LRMDA: variants seen among roughly 807,000 people sequenced by gnomAD.
LRMDA encodes leucine-rich melanocyte differentiation-associated protein.
A neutral mutation model predicts 29.8 loss-of-function variants in LRMDA; 18 were observed. The observed-to-expected ratio is 0.60, with a 90% confidence interval of 0.42 to 0.90. The LOEUF is 0.90. Among genes scored for constraint, LRMDA ranks in the 40% least tolerant of loss-of-function variants. LRMDA has a pLI of 0.00. For synonymous variants in LRMDA, 125 were observed against 109.4 expected (o/e 1.14, Z -0.89); for missense variants, 273 against 273.9 (o/e 1.00, Z 0.02).
chr10:75,998,255 A>C (rs2057440), intron 2 of LRMDA, among the ~76,000 whole-genome samples: 59,746 of 151,866 alleles, frequency 0.39, 13,253 homozygotes, highest in African/African-American at 0.59. Context: ...ATTTGTTTTG[A>C]CCAGACTTAT....
chr10:75,665,451 T>A (rs1164936997), intron 2 of LRMDA, among the ~76,000 whole-genome samples: 1 of 152,200 alleles, frequency 6.6e-6, no homozygotes. Flanking sequence ...TTTTTAAATA[T>A]TAGAACCATT....
Position 75,672,563 on chromosome 10 carries a change from CCCCTTCCCTTCCCTT to C in LRMDA, c.131+234079_131+234093del, listed in dbSNP as rs1170985685. On this transcript the variant is annotated intron_variant, in intron 2 of 6. Coordinates refer to ENST00000611255, the MANE Select transcript of LRMDA (RefSeq NM_001305581.2). Reference sequence around the variant, plus strand: ...CCCCTCCCCTCCCCTCCCCTCCCCTCCCCTTCCCTTCCCTTCCCTTCCCTGCTTTTTTTTTTTTTT... The same window carrying C: ...CCCCTCCCCTCCCCTCCCCTCCCCTCCCCTTCCCTGCTTTTTTTTTTTTTT... Among the ~76,000 whole-genome samples, 7 of 10,886 alleles carry C rather than the reference CCCCTTCCCTTCCCTT, an allele frequency of 6.4e-4. 2 individuals carry two copies. The highest frequency in any genetic ancestry group is 2.6e-3 in the Admixed American group (2 of 766). The allele number at this position is 10,886 out of a possible 152,430, so 7.1% of individuals were successfully genotyped here.
chr10:75,948,868 C>T (rs1191925239), intron 2 of LRMDA, among the ~76,000 whole-genome samples: 1 of 151,954 alleles, frequency 6.6e-6, no homozygotes, highest in East Asian at 1.9e-4. Context: ...AATTTGTTAC[C>T]TTTAGCTTTG....
chr10:75,730,736 G>A (rs1269401898), intron 2 of LRMDA, among the ~76,000 whole-genome samples: 1 of 152,126 alleles, frequency 6.6e-6, no homozygotes, highest in Non-Finnish European at 1.5e-5. Flanking sequence ...ATGCACAAGA[G>A]CCACAAACTT....
At chr10:75,536,514 C>T (rs1839949995) in intron 2 of LRMDA, among the ~76,000 whole-genome samples, 1 of 152,136 alleles carries the variant, frequency 6.6e-6, no homozygotes, top group Non-Finnish European at 1.5e-5. Context: ...GAGGGCTCAT[C>T]ACACCTGTTT....
chr10:76,119,291 C>G (rs1449647413), intron 5 of LRMDA, among the ~76,000 whole-genome samples: 2 of 151,954 alleles, frequency 1.3e-5, no homozygotes, highest in South Asian at 4.2e-4. Context: ...GCCAAGGCTC[C>G]TCACACTTAA....
chr10:75,904,213 T>A (rs1845723095), intron 2 of LRMDA, among the ~76,000 whole-genome samples: 1 of 152,248 alleles, frequency 6.6e-6, no homozygotes, highest in Non-Finnish European at 1.5e-5. Flanking sequence ...CTTGGATATT[T>A]ACAAATAGCT....
intron 5 of LRMDA, among the ~76,000 whole-genome samples, chr10:76,220,470 G>A (rs535311767): frequency 2.0e-5 from 3 of 152,054 alleles, no homozygotes; most frequent in South Asian, 2.1e-4. Context: ...TACAAACTAC[G>A]ATCAGAGAAT....
intron 5 of LRMDA, among the ~76,000 whole-genome samples, chr10:76,279,612 C>A (rs1419007137): frequency 7.6e-6 from 1 of 131,380 alleles, no homozygotes; most frequent in Admixed American, 9.4e-5. Context: ...ATGGCACGAT[C>A]TTGGCTCACT....
At position 75,522,776 on chromosome 10, in the gene LRMDA, A is replaced by G. The variant is rs7081542; in HGVS notation, c.131+84282A>G. On this transcript the variant is annotated intron_variant, in intron 2 of 6. Transcript: ENST00000611255. ...TGATATTAAACTAAAATAAAAGGGC[A>G]GGTATGTGGAGAGGTGGGGAAAGGG... Among the ~76,000 whole-genome samples, 331 of 152,300 alleles carry G rather than the reference A, an allele frequency of 2.2e-3. 3 individuals carry two copies. Among genetic ancestry groups the G allele is most frequent in the African/African-American group, 7.9e-3 (327 of 41,558 alleles).
chr10:76,007,395 T>C (rs1279962273), intron 2 of LRMDA, among the ~76,000 whole-genome samples: 1 of 152,140 alleles, frequency 6.6e-6, no homozygotes. Flanking sequence ...CACAATTTGC[T>C]TTGAGATCTG....
chr10:76,549,374 C>G (rs537491157), intron 6 of LRMDA, among the ~76,000 whole-genome samples: 1 of 152,240 alleles, frequency 6.6e-6, no homozygotes, highest in Non-Finnish European at 1.5e-5. Flanking sequence ...TTGACAAGGC[C>G]CAGCATTTGT....
intron 2 of LRMDA, among the ~76,000 whole-genome samples, chr10:75,713,008 TGTTTC>T (rs1564547169): frequency 6.6e-6 from 1 of 152,230 alleles, no homozygotes; most frequent in Non-Finnish European, 1.5e-5. Context: ...TTGAAAATGA[TGTTTC>T]TGGAAAGGGA....
intron 5 of LRMDA, among the ~76,000 whole-genome samples, chr10:76,200,524 G>A (rs1334399963): frequency 6.6e-6 from 1 of 151,902 alleles, no homozygotes; most frequent in African/African-American, 2.4e-5. Context: ...AGAGGGGATT[G>A]GGGTGGGATG....
intron 2 of LRMDA, among the ~76,000 whole-genome samples, chr10:75,521,430 C>A (rs942100441): frequency 2.6e-5 from 4 of 152,248 alleles, no homozygotes; most frequent in African/African-American, 9.6e-5. Flanking sequence ...CGCCCCTCCC[C>A]CTGCCTGACT....
chr10:75,673,609 A>T (rs1300147256), intron 2 of LRMDA, among the ~76,000 whole-genome samples: 3 of 152,094 alleles, frequency 2.0e-5, no homozygotes, highest in Admixed American at 6.5e-5. Flanking sequence ...GGACATTTTG[A>T]CTCTCAATTC....
intron 2 of LRMDA, among the ~76,000 whole-genome samples, chr10:75,527,517 G>C (rs1845426822): frequency 6.6e-6 from 1 of 151,784 alleles, no homozygotes; most frequent in Non-Finnish European, 1.5e-5. Flanking sequence ...ATATATGAAA[G>C]TTCTAGTTTC....
chr10:76,525,754 T>C (rs1157992685), intron 6 of LRMDA, among the ~76,000 whole-genome samples: 1 of 152,166 alleles, frequency 6.6e-6, no homozygotes. Context: ...ATAAGAGTTA[T>C]TATCTTCATT....
intron 2 of LRMDA, among the ~76,000 whole-genome samples, chr10:75,458,574 A>G (rs1007297313): frequency 6.6e-6 from 1 of 152,252 alleles, no homozygotes; most frequent in African/African-American, 2.4e-5. Flanking sequence ...TAAGAAAGCC[A>G]AACGTCAGAG....
Sources: allele counts gnomAD v4.1 joint callset (sites outside exome capture counted in the v4.1 genomes callset), GRCh38; gene constraint gnomAD v4.1.1; transcripts MANE v1.5; gene names NCBI Gene and HGNC (gene_info 2026-07-23, HGNC 2026-07-21).